Variants in TRPM3 observed in about 807,000 individuals in gnomAD.
TRPM3 encodes transient receptor potential cation channel subfamily M member 3.
In TRPM3, 77 loss-of-function variants were observed where a neutral mutation model predicts 181.2. The observed-to-expected ratio is 0.42, with a 90% CI of 0.35 to 0.51. The LOEUF is 0.51. Ranked by LOEUF, TRPM3 falls within the 20% of genes least tolerant of loss-of-function variation. The pLI is 0.01. For missense variants in TRPM3, 1,759 were observed against 2,196.7 expected (o/e 0.80, Z 3.98); for synonymous variants, 745 against 796.4 (o/e 0.94, Z 1.09).
intron 1 of TRPM3, among the ~76,000 whole-genome samples, chr9:71,343,508 G>A (rs1338420061): frequency 6.6e-6 from 1 of 151,948 alleles, no homozygotes; most frequent in Non-Finnish European, 1.5e-5. Flanking sequence ...TTGAGAGCTA[G>A]GACACTCACA....
chr9:71,420,547 GAGAA>G (rs1037017986), intron 1 of TRPM3, among the ~76,000 whole-genome samples: 24 of 136,366 alleles, frequency 1.8e-4, no homozygotes, highest in Non-Finnish European at 1.8e-4. Flanking sequence ...GAAAGAAAAA[GAGAA>G]AGAAAGAGAA....
chr9:71,088,255 C>T (rs972722244), intron 1 of TRPM3, among the ~76,000 whole-genome samples: 12 of 151,942 alleles, frequency 7.9e-5, no homozygotes, highest in South Asian at 2.1e-4. Flanking sequence ...ATACCCGAAA[C>T]GAGAAAATGG....
intron 9 of TRPM3, among the ~76,000 whole-genome samples, chr9:70,680,012 T>G (rs1480436594): frequency 3.3e-5 from 5 of 152,192 alleles, no homozygotes; most frequent in African/African-American, 1.2e-4. Flanking sequence ...GCAGCGGTTC[T>G]CAAGCTGGAC....
intron 1 of TRPM3, among the ~76,000 whole-genome samples, chr9:71,043,199 A>C (rs2133000305): frequency 6.6e-6 from 1 of 152,312 alleles, no homozygotes; most frequent in Middle Eastern, 3.4e-3. Context: ...TCAATTCCTT[A>C]GTAGCCATCT....
At chr9:71,275,237 ATTTCTATTC>A (rs2084104719) in intron 1 of TRPM3, among the ~76,000 whole-genome samples, 1 of 152,218 alleles carries the variant, frequency 6.6e-6, no homozygotes, top group Non-Finnish European at 1.5e-5. Context: ...AATCATTTCA[ATTTCTATTC>A]TCCAGCAACA....
At chr9:70,695,254 T>C (rs995729109) in intron 8 of TRPM3, among the ~76,000 whole-genome samples, 1 of 152,246 alleles carries the variant, frequency 6.6e-6, no homozygotes, top group Non-Finnish European at 1.5e-5. Flanking sequence ...GGCCATCTAC[T>C]GCACCTCTCT....
intron 1 of TRPM3, chr9:70,869,169 A>G (rs761781620): frequency 2.3e-4 from 115 of 491,946 alleles, no homozygotes; most frequent in Non-Finnish European, 2.3e-4. Context: ...GAACTTGGGC[A>G]GATTAGCCCC....
chr9:70,759,123 A>G (rs2077615968), intron 8 of TRPM3, among the ~76,000 whole-genome samples: 2 of 152,194 alleles, frequency 1.3e-5, no homozygotes, highest in Admixed American at 1.3e-4. Flanking sequence ...CAAAACTTAA[A>G]CACGTTTACA....
chr9:71,280,383 C>T (rs79892314), intron 1 of TRPM3, among the ~76,000 whole-genome samples: 2 of 151,944 alleles, frequency 1.3e-5, no homozygotes, highest in African/African-American at 2.4e-5. Context: ...GAAAATTTCC[C>T]AATGGGAACA....
intron 25 of TRPM3, among the ~76,000 whole-genome samples, chr9:70,546,676 GAA>G (rs76948604): frequency 3.7e-4 from 32 of 86,586 alleles, no homozygotes; most frequent in African/African-American, 9.1e-4. Flanking sequence ...CTCCTCATCG[GAA>G]AAAAAAAAAA....
chr9:70,793,700 G>A (rs745977212), intron 6 of TRPM3: 2 of 467,830 alleles, frequency 4.3e-6, no homozygotes, highest in African/African-American at 4.0e-5. Flanking sequence ...ATGAAAACCT[G>A]GCAGGAAAAG....
chr9:71,238,860 T>C (rs767346823), intron 1 of TRPM3, among the ~76,000 whole-genome samples: 60 of 152,158 alleles, frequency 3.9e-4, no homozygotes, highest in Non-Finnish European at 8.2e-4. Context: ...TCAAGAATAC[T>C]CATGTTAGTT....
chr9:70,883,310 T>C (rs1589510940), intron 1 of TRPM3, among the ~76,000 whole-genome samples: 3 of 152,270 alleles, frequency 2.0e-5, no homozygotes, highest in African/African-American at 7.2e-5. Flanking sequence ...CCAATTATAA[T>C]CCCTTTTCTG....
chr9:71,011,854 T>C (rs2097746764), intron 1 of TRPM3, among the ~76,000 whole-genome samples: 1 of 150,090 alleles, frequency 6.7e-6, no homozygotes, highest in African/African-American at 2.5e-5. Flanking sequence ...TGATAGTGGC[T>C]CACTGCAGCC....
At chr9:71,178,582 T>G (rs1228655812) in intron 1 of TRPM3, among the ~76,000 whole-genome samples, 1 of 152,162 alleles carries the variant, frequency 6.6e-6, no homozygotes, top group East Asian at 1.9e-4. Flanking sequence ...AAATATTTTT[T>G]CTACTGTGGA....
chr9:71,010,823 A>T (rs2097728783), intron 1 of TRPM3, among the ~76,000 whole-genome samples: 1 of 151,868 alleles, frequency 6.6e-6, no homozygotes, highest in Non-Finnish European at 1.5e-5. Context: ...AGATATCTGC[A>T]CTCCCATGTT....
At chr9:70,542,800 G>A (rs911657266) in intron 25 of TRPM3, among the ~76,000 whole-genome samples, 19 of 152,146 alleles carry the variant, frequency 1.2e-4, no homozygotes, top group African/African-American at 4.6e-4. Context: ...AAGCAATCCC[G>A]TATTGCATGA....
At chr9:71,012,330 A>AT (rs765163666) in intron 1 of TRPM3, among the ~76,000 whole-genome samples, 7 of 150,542 alleles carry the variant, frequency 4.6e-5, no homozygotes, top group East Asian at 3.9e-4. Context: ...TTATTTTTTG[A>AT]TTTTTTTATT....
chr9:70,678,324 G>C (rs909480053), intron 9 of TRPM3, among the ~76,000 whole-genome samples: 1 of 152,014 alleles, frequency 6.6e-6, no homozygotes, highest in African/African-American at 2.4e-5. Context: ...CTGGGGTGCA[G>C]TGGTGCAATC....
Sources: gnomAD v4.1 joint callset for allele counts (sites outside exome capture counted in the v4.1 genomes callset) on GRCh38, gnomAD v4.1.1 for gene constraint, MANE v1.5 for transcripts, NCBI Gene and HGNC (gene_info 2026-07-23, HGNC 2026-07-21) for gene names.